Variants in GALNTL6 observed in about 807,000 individuals in gnomAD.
GALNTL6 encodes the protein polypeptide N-acetylgalactosaminyltransferase like 6.
Under a neutral mutation model 73.7 loss-of-function variants are expected in GALNTL6, and 46 were observed. The ratio of observed to expected loss-of-function variants is 0.62; its 90% CI spans 0.49 to 0.80. The LOEUF (loss-of-function observed/expected upper bound fraction) is 0.80. Among genes scored for constraint, GALNTL6 ranks in the 30% least tolerant of loss-of-function variants. The pLI is 0.00. For synonymous variants in GALNTL6, 259 were observed against 263.7 expected, an observed-to-expected ratio of 0.98 and a Z score of 0.17; for missense variants, 604 against 755.0, an observed-to-expected ratio of 0.80 and a Z score of 2.34.
chr4:172,337,429 T>G (rs1247818404), intron 4 of GALNTL6, among the ~76,000 whole-genome samples: 2 of 152,200 alleles, frequency 1.3e-5, no homozygotes, highest in African/African-American at 4.8e-5. Flanking sequence ...ATTATTTTGT[T>G]TCTATGTTAA....
At chr4:172,445,403 T>C (rs983195246) in intron 5 of GALNTL6, among the ~76,000 whole-genome samples, 1 of 152,220 alleles carries the variant, frequency 6.6e-6, no homozygotes, top group African/African-American at 2.4e-5. Flanking sequence ...AACCTAAACA[T>C]ATTTAACTAT....
intron 7 of GALNTL6, among the ~76,000 whole-genome samples, chr4:172,847,819 A>G (rs537687855): frequency 6.6e-6 from 1 of 152,192 alleles, no homozygotes; most frequent in Non-Finnish European, 1.5e-5. Flanking sequence ...TTCCAAACTT[A>G]CAAGACATGA....
At chr4:172,955,994 C>A (rs112028788) in intron 10 of GALNTL6, among the ~76,000 whole-genome samples, 3 of 152,158 alleles carry the variant, frequency 2.0e-5, no homozygotes, top group African/African-American at 4.8e-5. Flanking sequence ...AGGCAGGAAC[C>A]AGCCATCTGG....
At chr4:171,884,794 G>T (rs900961716) in intron 2 of GALNTL6, among the ~76,000 whole-genome samples, 9 of 152,206 alleles carry the variant, frequency 5.9e-5, no homozygotes, top group African/African-American at 2.2e-4. Context: ...AGTGGCTCAT[G>T]CATGTAATCC....
chr4:171,924,170 T>C (rs1384187340), intron 2 of GALNTL6, among the ~76,000 whole-genome samples: 2 of 134,986 alleles, frequency 1.5e-5, no homozygotes, highest in African/African-American at 3.0e-5. Context: ...TTAAAAAAAA[T>C]ACACCACACA....
intron 5 of GALNTL6, among the ~76,000 whole-genome samples, chr4:172,733,508 T>A (rs13107045): frequency 2.0e-5 from 3 of 151,880 alleles, no homozygotes; most frequent in South Asian, 2.1e-4. Flanking sequence ...TGCCCAAATC[T>A]CGTCTTGAAT....
chr4:172,173,689 T>C (rs1734904724), intron 2 of GALNTL6, among the ~76,000 whole-genome samples: 1 of 152,164 alleles, frequency 6.6e-6, no homozygotes, highest in Non-Finnish European at 1.5e-5. Context: ...GTGAACTGGG[T>C]GATTATTGGA....
intron 5 of GALNTL6, among the ~76,000 whole-genome samples, chr4:172,743,151 A>G (rs4315754): frequency 0.36 from 54,513 of 151,896 alleles, 10,836 homozygotes; most frequent in African/African-American, 0.52. Context: ...CTGTAATTCT[A>G]TGGAGGCTTG....
chr4:172,055,124 G>A (rs1189505479), intron 2 of GALNTL6, among the ~76,000 whole-genome samples: 1 of 152,050 alleles, frequency 6.6e-6, no homozygotes, highest in Non-Finnish European at 1.5e-5. Flanking sequence ...CTTATTGTAT[G>A]GGGCTCTCTG....
At chr4:172,562,577 T>C (rs1736413608) in intron 5 of GALNTL6, among the ~76,000 whole-genome samples, 1 of 152,204 alleles carries the variant, frequency 6.6e-6, no homozygotes, top group Non-Finnish European at 1.5e-5. Context: ...TCAAGGCTGC[T>C]GAATGTCCTA....
intron 2 of GALNTL6, among the ~76,000 whole-genome samples, chr4:171,982,499 T>C (rs190312327): frequency 3.6e-4 from 55 of 152,094 alleles, no homozygotes; most frequent in African/African-American, 8.2e-4. Flanking sequence ...GGGGTTTCAC[T>C]GTCTTAGCCA....
chr4:172,794,595 C>T (rs1179354526), intron 5 of GALNTL6, among the ~76,000 whole-genome samples: 1 of 152,172 alleles, frequency 6.6e-6, no homozygotes, highest in South Asian at 2.1e-4. Flanking sequence ...CTTTCAATTA[C>T]TCAAGCAAGG....
chr4:172,962,469 T>C (rs1750128973), intron 10 of GALNTL6, among the ~76,000 whole-genome samples: 1 of 152,256 alleles, frequency 6.6e-6, no homozygotes, highest in Non-Finnish European at 1.5e-5. Context: ...AAGAGCTTTT[T>C]AGTTTCCTAT....
At chr4:171,913,244 G>A (rs1560838304) in intron 2 of GALNTL6, among the ~76,000 whole-genome samples, 1 of 152,214 alleles carries the variant, frequency 6.6e-6, no homozygotes, top group African/African-American at 2.4e-5. Context: ...AAAGAAAAGT[G>A]TAATTAATCA....
At chr4:172,896,342 C>A (rs1261076613) in intron 8 of GALNTL6, among the ~76,000 whole-genome samples, 2 of 152,212 alleles carry the variant, frequency 1.3e-5, no homozygotes, top group Admixed American at 1.3e-4. Flanking sequence ...GCAGCCATTT[C>A]AGCAGTAAAT....
chr4:172,285,681 G>A (rs572966751), intron 3 of GALNTL6, among the ~76,000 whole-genome samples: 9 of 152,162 alleles, frequency 5.9e-5, no homozygotes, highest in East Asian at 5.8e-4. Flanking sequence ...CCCAGCCTCC[G>A]CAGTTTCTAC....
intron 2 of GALNTL6, among the ~76,000 whole-genome samples, chr4:171,870,267 G>A (rs2110893425): frequency 6.6e-6 from 1 of 152,224 alleles, no homozygotes; most frequent in African/African-American, 2.4e-5. Flanking sequence ...CATGAATGAT[G>A]CCCAGAAAGT....
At chr4:171,903,550 G>T (rs140529651) in intron 2 of GALNTL6, among the ~76,000 whole-genome samples, 1 of 149,420 alleles carries the variant, frequency 6.7e-6, no homozygotes, top group African/African-American at 2.5e-5. Context: ...ACTGCAAGGC[G>T]GCAGCGAGGC....
chr4:172,275,345 ATCAC>A (rs1738790794), intron 3 of GALNTL6, among the ~76,000 whole-genome samples: 1 of 152,218 alleles, frequency 6.6e-6, no homozygotes, highest in Non-Finnish European at 1.5e-5. Flanking sequence ...ACCATGTAGA[ATCAC>A]ATTGCAGAGT....
Sources: gnomAD v4.1 joint callset for allele counts (sites outside exome capture counted in the v4.1 genomes callset) on GRCh38, gnomAD v4.1.1 for gene constraint, MANE v1.5 for transcripts, NCBI Gene and HGNC (gene_info 2026-07-23, HGNC 2026-07-21) for gene names.